DCTN3: variants seen among roughly 807,000 people sequenced by gnomAD.
DCTN3 encodes dynactin 3 (p22).
DCTN3 carries 25 observed loss-of-function variants against 28.4 expected under a neutral mutation model. The observed-to-expected ratio is 0.88, with a 90% CI of 0.64 to 1.23. The LOEUF is 1.23. DCTN3 is among the 50% of genes most tolerant of loss of function. DCTN3 has a pLI of 0.00. For missense variants in DCTN3, 229 were observed against 232.0 expected (o/e 0.99, Z 0.08); for synonymous variants, 81 against 91.4 (o/e 0.89, Z 0.65).
chr9:34,616,046 G>A lies in DCTN3; in HGVS notation c.336C>T (p.Asp112=), dbSNP rs1357391228. 1 of 1,614,070 alleles carries A rather than the reference G, an allele frequency of 6.2e-7. No individual in the cohort carries two copies. The highest frequency in any genetic ancestry group is 1.7e-5 in the Admixed American group (1 of 60,006). The part of the protein sequence containing the change: ...EQVNALVPML[D]SAHIKAVPEH... The stretch of plus-strand genomic sequence containing the variant: ...GAGAGATACCTTTGATGTGAGCACT[G>A]TCCAGCATGGGCACCAAGGCATTCA... Residue 112 remains aspartate, a synonymous_variant, in exon 4 of 7, where the codon GAC becomes GAT. Coordinates refer to ENST00000259632, the MANE Select transcript of DCTN3 (RefSeq NM_007234.5). The surrounding 1 kb of genome is among the most constrained non-coding windows in gnomAD (Gnocchi z 4.7).
rs759546479 is a variant in DCTN3, at chr9:34,614,651, G to A, written c.411+59C>T. 4.4e-6 allele frequency: 7 copies of A among 1,598,108 alleles called. No homozygotes were observed. In the Admixed American group the frequency reaches 1.2e-4, roughly 27 times the overall value. Reference sequence around the variant, plus strand: ...GAAGCTGCTTCCCCAGGTGGCATGAGTTGGGATGAGGTGCTGCGCCACCTC... The same window carrying A: ...GAAGCTGCTTCCCCAGGTGGCATGAATTGGGATGAGGTGCTGCGCCACCTC... On this transcript the variant is annotated intron_variant, in intron 5 of 6. Coordinates refer to ENST00000259632, the MANE Select transcript of DCTN3 (RefSeq NM_007234.5).
At chr9:34,617,691 G>A (rs768526563) in intron 3 of DCTN3, 194 bp downstream of exon 3, 143 of 1,487,996 alleles carry the variant, frequency 9.6e-5, no homozygotes, top group Non-Finnish European at 1.0e-4. Flanking sequence ...CCTGCAGCTG[G>A]TGCAGAGGTA....
In DCTN3 at chr9:34,618,691, T is replaced by A. The variant is rs1176241682; in HGVS notation, c.166A>T (p.Ile56Phe). Residue 56 changes from isoleucine to phenylalanine, a missense_variant, in exon 2 of 7, where the codon ATT becomes TTT. Coordinates refer to ENST00000259632, the MANE Select transcript of DCTN3 (RefSeq NM_007234.5). ...AAGCACTTACTCTTTTTGTAGAGAA[T>A]CTTCACCCTCTCCCTCTTGCTGGAA... ...NISSKRERVKILYKKIEDLIK... is the reference protein window; with the variant it reads ...NISSKRERVKFLYKKIEDLIK... 3.7e-6 allele frequency: 6 copies of A among 1,614,116 alleles called. No homozygotes were observed. The highest frequency in any genetic ancestry group is 4.2e-6 in the Non-Finnish European group (5 of 1,179,968).
At chr9:34,620,142 C>T (rs1189476690) in intron 1 of DCTN3, among the ~76,000 whole-genome samples, 2 of 152,214 alleles carry the variant, frequency 1.3e-5, no homozygotes, top group African/African-American at 4.8e-5. Context: ...GGCGGAGTCT[C>T]AGCTACAGTA....
chr9:34,614,004 C>T, intron 6 of DCTN3, 38 bp downstream of exon 6: 1 of 1,604,608 alleles, frequency 6.2e-7, no homozygotes, highest in South Asian at 1.1e-5. Flanking sequence ...GGCTTAGGGA[C>T]AGCACCCATT....
In DCTN3 at chr9:34,620,479, C is replaced by T; in HGVS notation, c.-15G>A. The T allele has an allele frequency of 6.5e-7, 1 of 1,547,902 alleles. No individual in the cohort carries two copies. ...AGACCCGCCATCGCTACTACCGACC[C>T]ACCTCGGCCAGGAAACAGCCAGAGG... On this transcript the variant is annotated 5_prime_UTR_variant, in exon 1 of 7. Transcript: ENST00000259632.
intron 5 of DCTN3, 114 bp downstream of exon 5, chr9:34,614,596 G>A (rs1820379037): frequency 2.0e-5 from 25 of 1,247,670 alleles, no homozygotes; most frequent in Middle Eastern, 1.9e-4. Context: ...AAACCCCAAA[G>A]TTTCTGCTGA....
intron 3 of DCTN3, among the ~76,000 whole-genome samples, chr9:34,617,356 T>A (rs938046091): frequency 6.6e-6 from 1 of 152,108 alleles, no homozygotes; most frequent in Non-Finnish European, 1.5e-5. Flanking sequence ...TGGATCAGAG[T>A]AGATGATCAT....
At chr9:34,617,621 T>G (rs780028461) in intron 3 of DCTN3, 53 of 1,386,314 alleles carry the variant, frequency 3.8e-5, no homozygotes, top group Non-Finnish European at 4.7e-5. Flanking sequence ...TGAAGGAAAA[T>G]CCAAGAGGCA....
Position 34,620,474 on chromosome 9 carries a change from C to T in DCTN3, c.-10G>A, listed in dbSNP as rs370090780. 59 of 1,548,408 alleles carry T rather than the reference C, an allele frequency of 3.8e-5. No individual in the cohort carries two copies. The Admixed American group carries it at 7.2e-4, about 19-fold the overall frequency. On this transcript the variant is annotated 5_prime_UTR_variant, in exon 1 of 7. Transcript: ENST00000259632. Reference sequence around the variant, plus strand: ...CAGTCAGACCCGCCATCGCTACTACCGACCCACCTCGGCCAGGAAACAGCC... The same window carrying T: ...CAGTCAGACCCGCCATCGCTACTACTGACCCACCTCGGCCAGGAAACAGCC...
At chr9:34,615,916 G>T in intron 4 of DCTN3, 114 bp downstream of exon 4, 103 of 473,430 alleles carry the variant, frequency 2.2e-4, no homozygotes, top group Middle Eastern at 4.6e-4. Context: ...AAAAAAAAAA[G>T]ATAAGGAACA....
chr9:34,615,883 A>G (rs1358439299), intron 4 of DCTN3, 147 bp downstream of exon 4: 3 of 550,942 alleles, frequency 5.4e-6, no homozygotes, highest in Non-Finnish European at 9.4e-6. Flanking sequence ...CCTGGGTGAC[A>G]GAGTACGACT....
intron 4 of DCTN3, chr9:34,615,414 C>CT (rs1820400558): frequency 6.6e-6 from 1 of 152,392 alleles, no homozygotes; most frequent in African/African-American, 2.4e-5. Context: ...GGCAGAGACT[C>CT]TGATAGTAAA....
rs907110092 is a variant in DCTN3, at chr9:34,620,225, A to G, written c.96+144T>C. On this transcript the variant is annotated intron_variant, in intron 1 of 6. Coordinates refer to ENST00000259632, the MANE Select transcript of DCTN3 (RefSeq NM_007234.5). Reference sequence around the variant, plus strand: ...TATGACAGTGGACCCCGATGGTCCAATCAGCTCTGGGAGGTCCCGGACCTT... The same window carrying G: ...TATGACAGTGGACCCCGATGGTCCAGTCAGCTCTGGGAGGTCCCGGACCTT... The G allele has an allele frequency of 2.3e-5, 17 of 740,598 alleles. No individual in the cohort carries two copies. In the Admixed American group the frequency reaches 2.4e-4, roughly 10 times the overall value. The allele number at this position is 740,598 out of a possible 1,614,324, so 45.9% of individuals were successfully genotyped here. A position where few individuals can be genotyped will look rare whatever the true frequency, so the allele number is the denominator to read the frequency against.
Position 34,618,648 on chromosome 9 carries a change from C to T in DCTN3, c.181+28G>A, listed in dbSNP as rs769535770. 3.7e-5 allele frequency: 59 copies of T among 1,581,108 alleles called. 2 individuals are homozygous for T. In the South Asian group the frequency reaches 6.3e-4, roughly 17 times the overall value. On this transcript the variant is annotated intron_variant, in intron 2 of 6. Coordinates refer to ENST00000259632, the MANE Select transcript of DCTN3 (RefSeq NM_007234.5). ...GGAAGCTGAGGGGTGGGATGTCGGGCAGGCAGGCACATCATGGAAGCACTT... is the reference window on the plus strand; with the variant it reads ...GGAAGCTGAGGGGTGGGATGTCGGGTAGGCAGGCACATCATGGAAGCACTT...
In DCTN3 at chr9:34,614,743, C is replaced by T. The variant is rs747206066; in HGVS notation, c.378G>A (p.Leu126=). The change falls in exon 5 of 7, where the codon CTG becomes CTA. Residue 126 remains leucine, a synonymous_variant. Transcript: ENST00000259632. ...GAATGTGGATCTGGGCCAAGCGCTG[C>T]AGGCGGGCAGCATGCTCAGGAACGG... ...IKAVPEHAAR[L]QRLAQIHIQQ... 3 of 1,614,078 alleles carry T rather than the reference C, an allele frequency of 1.9e-6. No homozygotes were observed. Among genetic ancestry groups the T allele is most frequent in the Non-Finnish European group, 2.5e-6 (3 of 1,180,030 alleles).
At chr9:34,617,794 C>A in intron 3 of DCTN3, 91 bp downstream of exon 3, 1 of 1,572,340 alleles carries the variant, frequency 6.4e-7, no homozygotes, top group Non-Finnish European at 8.6e-7. Flanking sequence ...CTTGTATCCA[C>A]CAGAAGACTG....
In DCTN3 at chr9:34,620,354, G is replaced by T; in HGVS notation, c.96+15C>A. The T allele has an allele frequency of 6.2e-7, 1 of 1,611,586 alleles. No individual in the cohort carries two copies. The highest frequency in any genetic ancestry group is 2.2e-5 in the East Asian group (1 of 44,868). On this transcript the variant is annotated intron_variant, in intron 1 of 6. Transcript: ENST00000259632. ...GCTCTGCTCCAGAAAGGGACTACCG[G>T]ACCAGACTACTCACCTTCCGTGAGC...
Position 34,613,652 on chromosome 9 carries a change from G to C in DCTN3, c.*130C>G. On this transcript the variant is annotated 3_prime_UTR_variant, in exon 7 of 7. Coordinates refer to ENST00000259632, the MANE Select transcript of DCTN3 (RefSeq NM_007234.5). ...AGGTAACCTGACCTCCAACTTTAGA[G>C]CCCAGAGTACAGAGAGGTGGGCCTT... 1 of 1,284,000 alleles carries C rather than the reference G, an allele frequency of 7.8e-7. No individual in the cohort carries two copies. The highest frequency in any genetic ancestry group is 1.5e-5 in the South Asian group (1 of 68,246). The allele number at this position is 1,284,000 out of a possible 1,614,324, so 79.5% of individuals were successfully genotyped here.
Sources: allele counts gnomAD v4.1 joint callset (sites outside exome capture counted in the v4.1 genomes callset), GRCh38; gene constraint gnomAD v4.1.1; non-coding constraint Gnocchi (gnomAD v3.1); transcripts MANE v1.5; gene names NCBI Gene and HGNC (gene_info 2026-07-23, HGNC 2026-07-21).